SSH2: variants seen among roughly 807,000 people sequenced by gnomAD.
SSH2 encodes the protein protein phosphatase Slingshot homolog 2.
Under a neutral mutation model 135.2 loss-of-function variants are expected in SSH2, and 37 were observed. The ratio of observed to expected loss-of-function variants is 0.27; its 90% CI spans 0.21 to 0.36. The LOEUF (loss-of-function observed/expected upper bound fraction) is 0.36, where lower values mean the gene tolerates loss of function less well. Among genes scored for constraint, SSH2 ranks in the 10% least tolerant of loss-of-function variants. The pLI is 1.00. For synonymous variants in SSH2, 628 were observed against 646.2 expected (o/e 0.97, Z 0.43); for missense variants, 1,408 against 1,765.3 (o/e 0.80, Z 3.63).
intron 3 of SSH2, among the ~76,000 whole-genome samples, chr17:29,723,677 T>C (rs573099584): frequency 1.3e-5 from 2 of 152,082 alleles, no homozygotes; most frequent in South Asian, 4.1e-4. Context: ...TATTATTCTG[T>C]GTTTTCAATT....
chr17:29,841,883 C>G (rs1038271890), intron 2 of SSH2, among the ~76,000 whole-genome samples: 1 of 146,192 alleles, frequency 6.8e-6, no homozygotes, highest in Non-Finnish European at 1.5e-5. Context: ...TACACCACCC[C>G]CTTGGCTAAT....
intron 1 of SSH2, among the ~76,000 whole-genome samples, chr17:29,927,846 T>C (rs931232167): frequency 3.3e-5 from 5 of 152,206 alleles, no homozygotes; most frequent in Non-Finnish European, 7.4e-5. Flanking sequence ...ACCAGGCTAG[T>C]AGATATAGAA....
At chr17:29,893,308 G>T (rs551875685) in intron 1 of SSH2, among the ~76,000 whole-genome samples, 1 of 152,066 alleles carries the variant, frequency 6.6e-6, no homozygotes, top group South Asian at 2.1e-4. Flanking sequence ...GGGGGGTGGG[G>T]GAGAATTGCT....
At position 29,920,464 on chromosome 17, in the gene SSH2, C is replaced by T. The variant is rs2066956592; in HGVS notation, c.63+9474G>A. On this transcript the variant is annotated intron_variant, in intron 1 of 15. Transcript: ENST00000540801. ...TAAATACTAAGTAATATATGCTAAA[C>T]TAACTAAATTCCTATGAGACTTGCA... 2.6e-5 allele frequency among the ~76,000 whole-genome samples: 4 copies of T among 152,246 alleles called. No homozygotes were observed. In the South Asian group the frequency reaches 8.3e-4, roughly 32 times the overall value.
At chr17:29,756,558 C>T (rs934515136) in intron 3 of SSH2, among the ~76,000 whole-genome samples, 2 of 149,428 alleles carry the variant, frequency 1.3e-5, no homozygotes, top group Non-Finnish European at 3.0e-5. Context: ...TCTCAAACTC[C>T]TGTCCTCCCA....
chr17:29,924,762 A>T (rs963405226), intron 1 of SSH2, among the ~76,000 whole-genome samples: 1 of 152,180 alleles, frequency 6.6e-6, no homozygotes, highest in African/African-American at 2.4e-5. Context: ...TCTAAGAATA[A>T]GGAAACTTAA....
chr17:29,711,817 T>G (rs985898665), intron 3 of SSH2, among the ~76,000 whole-genome samples: 3 of 152,120 alleles, frequency 2.0e-5, no homozygotes, highest in Non-Finnish European at 4.4e-5. Context: ...ACATGGGGAG[T>G]GTCGAGGTAT....
At chr17:29,700,979 C>CA (rs1386237738) in intron 4 of SSH2, among the ~76,000 whole-genome samples, 2 of 147,828 alleles carry the variant, frequency 1.4e-5, no homozygotes, top group Admixed American at 6.7e-5. Context: ...TTCTTTTTTT[C>CA]TTTTTTTTTG....
intron 1 of SSH2, among the ~76,000 whole-genome samples, chr17:29,899,005 A>T (rs1415259455): frequency 2.6e-5 from 4 of 152,242 alleles, no homozygotes; most frequent in Non-Finnish European, 4.4e-5. Context: ...AATCCAGCAT[A>T]TAAACAGAAC....
chr17:29,716,718 G>C, intron 3 of SSH2: 1 of 572,610 alleles, frequency 1.7e-6, no homozygotes, highest in Non-Finnish European at 3.3e-6. Context: ...GGCAGTTCCG[G>C]CTGAAAGTCT....
intron 3 of SSH2, among the ~76,000 whole-genome samples, chr17:29,764,416 A>G (rs1043200378): frequency 6.6e-6 from 1 of 152,224 alleles, no homozygotes; most frequent in Non-Finnish European, 1.5e-5. Flanking sequence ...TTTCAGCTCA[A>G]TTTAATTCTT....
intron 1 of SSH2, among the ~76,000 whole-genome samples, chr17:29,873,739 T>C (rs185803708): frequency 4.2e-4 from 64 of 152,326 alleles, no homozygotes; most frequent in Middle Eastern, 6.8e-3. Context: ...AAATTTAAAT[T>C]GGAAATCCCC....
At chr17:29,867,040 C>T (rs1453398976) in intron 1 of SSH2, among the ~76,000 whole-genome samples, 1 of 151,882 alleles carries the variant, frequency 6.6e-6, no homozygotes, top group Non-Finnish European at 1.5e-5. Flanking sequence ...TGGGGTCTCC[C>T]TGTTGCCCAG....
chr17:29,716,501 C>A, intron 3 of SSH2: 3 of 712,894 alleles, frequency 4.2e-6, no homozygotes, highest in Non-Finnish European at 7.8e-6. Context: ...ATTGTAGACT[C>A]CTTCAGTTCT....
chr17:29,759,669 T>C (rs535401543), intron 3 of SSH2, among the ~76,000 whole-genome samples: 5 of 152,344 alleles, frequency 3.3e-5, no homozygotes, highest in African/African-American at 1.2e-4. Flanking sequence ...TGAAATCATA[T>C]AGTATTTATA....
intron 2 of SSH2, among the ~76,000 whole-genome samples, chr17:29,846,819 T>C (rs1476741453): frequency 6.6e-6 from 1 of 152,210 alleles, no homozygotes; most frequent in South Asian, 2.1e-4. Flanking sequence ...TTCAACAATA[T>C]GTATGGAGTG....
intron 1 of SSH2, among the ~76,000 whole-genome samples, chr17:29,885,316 A>G (rs1282281461): frequency 6.7e-6 from 1 of 149,416 alleles, no homozygotes; most frequent in Non-Finnish European, 1.5e-5. Context: ...ACTCTTATTA[A>G]CCAAAGACTG....
chr17:29,763,628 G>A lies in SSH2; in HGVS notation c.188+30266C>T, dbSNP rs141304892. Among the ~76,000 whole-genome samples, 397 of 152,034 alleles carry A rather than the reference G, an allele frequency of 2.6e-3. 7 individuals are homozygous for A. In the South Asian group the frequency reaches 0.035, roughly 13 times the overall value. ...TGCCATTTAGGACAGATGATGGCATGGTAATCATCTGTATCTGTCTGAAAA... is the reference window on the plus strand; with the variant it reads ...TGCCATTTAGGACAGATGATGGCATAGTAATCATCTGTATCTGTCTGAAAA... On this transcript the variant is annotated intron_variant, in intron 3 of 15. Transcript: ENST00000540801.
chr17:29,663,545 A>G (rs539767538), intron 11 of SSH2, among the ~76,000 whole-genome samples: 12 of 152,190 alleles, frequency 7.9e-5, no homozygotes, highest in Non-Finnish European at 1.3e-4. Context: ...AATTACAGAG[A>G]TCCTCAATTT....
Sources: allele counts gnomAD v4.1 joint callset (sites outside exome capture counted in the v4.1 genomes callset), GRCh38; gene constraint gnomAD v4.1.1; transcripts MANE v1.5; gene names NCBI Gene and HGNC (gene_info 2026-07-23, HGNC 2026-07-21).